The following CCNB3 variants were observed in gnomAD, a reference collection of about 807,000 sequenced individuals.
The protein encoded by CCNB3 is G2/mitotic-specific cyclin-B3.
A neutral mutation model predicts 68.0 loss-of-function variants in CCNB3; 12 were observed. That is an observed-to-expected ratio of 0.18 (90% CI 0.11 to 0.29). The LOEUF (loss-of-function observed/expected upper bound fraction) is 0.29, where lower values mean the gene tolerates loss of function less well. CCNB3 is among the 10% of genes least tolerant of loss of function. CCNB3 has a pLI of 1.00. For synonymous variants in CCNB3, 354 were observed against 388.9 expected, an observed-to-expected ratio of 0.91 and a Z score of 1.06; for missense variants, 904 against 993.1, an observed-to-expected ratio of 0.91 and a Z score of 1.21.
chrX:50,342,822 A>G (rs1335585517), intron 9 of CCNB3, among the ~76,000 whole-genome samples: 2 of 110,582 alleles, frequency 1.8e-5, no homozygotes, highest in African/African-American at 3.3e-5. Context: ...TCTTCCCACT[A>G]CAGCCTCTCA....
At chrX:50,321,959 C>T (rs1249340846) in intron 8 of CCNB3, among the ~76,000 whole-genome samples, 1 of 109,820 alleles carries the variant, frequency 9.1e-6, no homozygotes, top group Non-Finnish European at 1.9e-5. Context: ...GTCTCACTAA[C>T]TTAAAAATGT....
intron 1 of CCNB3, among the ~76,000 whole-genome samples, chrX:50,227,903 G>C (rs1202090080): frequency 1.3e-5 from 1 of 77,493 alleles, no homozygotes; most frequent in Non-Finnish European, 2.3e-5. Flanking sequence ...TAAATATATA[G>C]AGAGAATATA....
chrX:50,308,666 T>C lies in CCNB3; in HGVS notation c.497T>C (p.Ile166Thr), dbSNP rs1557213902. 7 of 1,210,864 alleles carry C rather than the reference T, an allele frequency of 5.8e-6. No homozygotes were observed. In the Middle Eastern group the frequency reaches 6.9e-4, roughly 119 times the overall value. Residue 166 changes from isoleucine to threonine, a missense_variant, in exon 6 of 13, where the codon ATT becomes ACT. Physicochemically the swap from Ile to Thr is moderately conservative, Grantham distance 89. Transcript: ENST00000376042. The part of the protein sequence containing the change: ...KPLVLKEEPT[I>T]EDETLINKSL... ...TTAGTTTTAAAGGAGGAACCCACTA[T>C]TGAGGATGAAACCCTTATCAATAAG...
intron 8 of CCNB3, among the ~76,000 whole-genome samples, chrX:50,318,558 A>G (rs1921861358): frequency 8.9e-6 from 1 of 112,238 alleles, no homozygotes; most frequent in Non-Finnish European, 1.9e-5. Context: ...TGTTTTAGCT[A>G]TTCTAGTTCC....
chrX:50,305,776 C>CTT (rs146498028), intron 5 of CCNB3, among the ~76,000 whole-genome samples: 8 of 37,150 alleles, frequency 2.2e-4, no homozygotes, highest in African/African-American at 4.2e-4. Flanking sequence ...TTCTTTCTTT[C>CTT]TTTTTTTTTT....
intron 1 of CCNB3, among the ~76,000 whole-genome samples, chrX:50,280,159 T>G (rs1470843535): frequency 1.1e-5 from 1 of 92,741 alleles, no homozygotes; most frequent in Non-Finnish European, 2.0e-5. Flanking sequence ...AGAATATATA[T>G]AAATATATAT....
chrX:50,279,433 AATAT>A (rs1266753549), intron 1 of CCNB3, among the ~76,000 whole-genome samples: 1 of 74,945 alleles, frequency 1.3e-5, no homozygotes, highest in East Asian at 3.6e-4. Context: ...AATATATATA[AATAT>A]ATATATAAAT....
upstream of CCNB3, among the ~76,000 whole-genome samples, chrX:50,203,520 T>C (rs2146966679): frequency 8.9e-6 from 1 of 112,333 alleles, no homozygotes; most frequent in East Asian, 2.8e-4. Context: ...CCTGATTTGG[T>C]TTTCCTGCCA....
chrX:50,297,805 A>C (rs1463470094), intron 5 of CCNB3, among the ~76,000 whole-genome samples: 5 of 110,919 alleles, frequency 4.5e-5, no homozygotes, highest in Non-Finnish European at 7.5e-5. Context: ...CTTTTATTTC[A>C]TTGAGCAGTG....
chrX:50,223,223 G>A (rs1003857624), intron 1 of CCNB3, among the ~76,000 whole-genome samples: 10 of 110,643 alleles, frequency 9.0e-5, no homozygotes, highest in African/African-American at 2.6e-4. Context: ...CCTTTAGCTC[G>A]GAGGAGTTTG....
intron 5 of CCNB3, among the ~76,000 whole-genome samples, chrX:50,306,786 G>A (rs965111629): frequency 2.7e-5 from 3 of 110,781 alleles, no homozygotes; most frequent in Admixed American, 9.6e-5. Context: ...TGAATTTTGA[G>A]TGTTAAATTA....
intron 11 of CCNB3, among the ~76,000 whole-genome samples, chrX:50,348,247 T>A (rs781890551): frequency 8.9e-6 from 1 of 111,950 alleles, no homozygotes; most frequent in East Asian, 2.8e-4. Flanking sequence ...ATGACTATAG[T>A]GTTCTTCTCT....
intron 1 of CCNB3, among the ~76,000 whole-genome samples, chrX:50,227,720 A>T (rs1318132948): frequency 3.8e-4 from 35 of 93,215 alleles, no homozygotes; most frequent in African/African-American, 1.3e-3. Context: ...ATATAAATAT[A>T]TAGAGAGATA....
intron 1 of CCNB3, among the ~76,000 whole-genome samples, chrX:50,227,644 G>T (rs1235304027): frequency 6.6e-5 from 5 of 76,159 alleles, no homozygotes; most frequent in Admixed American, 1.8e-4. Context: ...CATATATATA[G>T]AGAGAATATA....
intron 1 of CCNB3, among the ~76,000 whole-genome samples, chrX:50,222,495 G>T (rs1416893823): frequency 3.6e-5 from 4 of 111,492 alleles, no homozygotes; most frequent in Non-Finnish European, 7.5e-5. Flanking sequence ...TTGCTTGTCT[G>T]TAAAGGATTT....
chrX:50,228,245 A>C (rs1025298823), intron 1 of CCNB3, among the ~76,000 whole-genome samples: 1 of 86,568 alleles, frequency 1.2e-5, no homozygotes, highest in Non-Finnish European at 2.1e-5. Flanking sequence ...CATAGAATAT[A>C]TATAAATACA....
intron 8 of CCNB3, chrX:50,341,657 A>C (rs1395525143): frequency 9.0e-6 from 1 of 110,887 alleles, no homozygotes; most frequent in Non-Finnish European, 1.9e-5. Context: ...TCAGAAAAGA[A>C]AAAGAAGGGA....
chrX:50,287,268 G>C (rs1203288786), intron 3 of CCNB3, among the ~76,000 whole-genome samples: 1 of 110,896 alleles, frequency 9.0e-6, no homozygotes, highest in Non-Finnish European at 1.9e-5. Context: ...TTGGGAATGG[G>C]GTAAGGCAAG....
At chrX:50,300,453 A>C (rs1230535800) in intron 5 of CCNB3, among the ~76,000 whole-genome samples, 2 of 111,632 alleles carry the variant, frequency 1.8e-5, no homozygotes, top group African/African-American at 6.5e-5. Flanking sequence ...AGAATGTTGA[A>C]TATTGGCCCC....
Sources: allele counts gnomAD v4.1 joint callset (sites outside exome capture counted in the v4.1 genomes callset), GRCh38; gene constraint gnomAD v4.1.1; transcripts MANE v1.5; gene names NCBI Gene and HGNC (gene_info 2026-07-23, HGNC 2026-07-21).